KCNN2: variants seen among roughly 807,000 people sequenced by gnomAD.
KCNN2 encodes the protein potassium calcium-activated channel subfamily N member 2, also known as small conductance calcium-activated potassium channel protein 2.
KCNN2 carries 24 observed loss-of-function variants against 55.5 expected under a neutral mutation model. The ratio of observed to expected loss-of-function variants is 0.43; its 90% CI spans 0.31 to 0.61. KCNN2 has a LOEUF of 0.61. KCNN2 is among the 20% of genes least tolerant of loss of function. The probability of loss-of-function intolerance (pLI) is 0.08; values close to 1 mark genes in which losing one functional copy is unlikely to be tolerated. For missense variants in KCNN2, 754 were observed against 853.6 expected (o/e 0.88, Z 1.45); for synonymous variants, 431 against 336.1 (o/e 1.28, Z -3.09).
chr5:114,335,513 G>A (rs888722104), intron 2 of KCNN2, among the ~76,000 whole-genome samples: 3 of 152,010 alleles, frequency 2.0e-5, no homozygotes, highest in African/African-American at 4.8e-5. Flanking sequence ...TTCTTGCATC[G>A]TTTCTGTTGT....
intron 3 of KCNN2, 58 bp downstream of exon 3, chr5:114,404,914 G>GAA: frequency 2.1e-6 from 3 of 1,435,846 alleles, no homozygotes; most frequent in Non-Finnish European, 1.9e-6. Flanking sequence ...TCACAAGTAA[G>GAA]AAAAAAAAAA....
At position 114,441,200 on chromosome 5, in the gene KCNN2, CAGTG is replaced by C. The variant is rs796190038; in HGVS notation, c.1638-21846_1638-21843del. On this transcript the variant is annotated intron_variant, in intron 3 of 7. Coordinates refer to ENST00000673685, the MANE Select transcript of KCNN2 (RefSeq NM_021614.4). ...TAGCCTCAAAATATATAAAATAAAA[CAGTG>C]AGCAAACTAGAGAAATTAATACATT... 1.3e-4 allele frequency among the ~76,000 whole-genome samples: 20 copies of C among 151,820 alleles called. No homozygotes were observed. In the South Asian group the frequency reaches 2.7e-3, roughly 21 times the overall value.
chr5:114,075,911 C>T (rs1276384895), intron 1 of KCNN2, among the ~76,000 whole-genome samples: 1 of 152,238 alleles, frequency 6.6e-6, no homozygotes, highest in African/African-American at 2.4e-5. Context: ...TAGCTCATCA[C>T]AGATGTGTGA....
intron 3 of KCNN2, among the ~76,000 whole-genome samples, chr5:114,446,578 C>T (rs1760416743): frequency 6.6e-6 from 1 of 152,174 alleles, no homozygotes; most frequent in South Asian, 2.1e-4. Flanking sequence ...CTGCCTCAGC[C>T]TCCCAAGCAG....
At chr5:114,334,308 G>T (rs1756879102) in intron 2 of KCNN2, among the ~76,000 whole-genome samples, 1 of 134,754 alleles carries the variant, frequency 7.4e-6, no homozygotes, top group Admixed American at 7.8e-5. Flanking sequence ...GTGTGTGTGT[G>T]TATAAGGCTC....
At chr5:114,341,866 T>C (rs1265454005) in intron 2 of KCNN2, among the ~76,000 whole-genome samples, 2 of 151,852 alleles carry the variant, frequency 1.3e-5, no homozygotes, top group Non-Finnish European at 2.9e-5. Flanking sequence ...TTGGTTAAAA[T>C]AGAGCATAAA....
At chr5:114,414,083 C>T (rs572629294) in intron 3 of KCNN2, among the ~76,000 whole-genome samples, 9 of 152,042 alleles carry the variant, frequency 5.9e-5, no homozygotes, top group Non-Finnish European at 1.2e-4. Flanking sequence ...GCAAGTGCTT[C>T]CTACTTCCTG....
At chr5:114,405,284 C>T (rs973817093) in intron 3 of KCNN2, among the ~76,000 whole-genome samples, 21 of 152,092 alleles carry the variant, frequency 1.4e-4, no homozygotes, top group South Asian at 4.1e-4. Flanking sequence ...TATCTTAAAG[C>T]GGTTTGTTGG....
intron 2 of KCNN2, among the ~76,000 whole-genome samples, chr5:114,246,479 T>G (rs1296287653): frequency 3.3e-5 from 5 of 152,184 alleles, no homozygotes; most frequent in Non-Finnish European, 7.4e-5. Flanking sequence ...CTTTATTGTT[T>G]ATAGAGTAGA....
intron 3 of KCNN2, among the ~76,000 whole-genome samples, chr5:114,438,013 A>G (rs1760067538): frequency 6.7e-6 from 1 of 149,916 alleles, no homozygotes; most frequent in Admixed American, 6.6e-5. Flanking sequence ...ACAAAGCCCC[A>G]CTTTATCTAC....
chr5:114,301,536 C>G (rs907834202), intron 2 of KCNN2, among the ~76,000 whole-genome samples: 11 of 152,150 alleles, frequency 7.2e-5, no homozygotes, highest in Admixed American at 5.9e-4. Flanking sequence ...TTGCCATTCT[C>G]CCCTTCTCCC....
At chr5:114,386,710 C>G (rs550598319) in intron 2 of KCNN2, among the ~76,000 whole-genome samples, 2 of 152,176 alleles carry the variant, frequency 1.3e-5, no homozygotes, top group South Asian at 2.1e-4. Context: ...AATATAAGCA[C>G]CTATGGAGGA....
At chr5:114,238,515 A>C (rs912475299) in intron 2 of KCNN2, among the ~76,000 whole-genome samples, 2 of 151,710 alleles carry the variant, frequency 1.3e-5, no homozygotes, top group Admixed American at 6.6e-5. Context: ...AGTCCCAGCT[A>C]CTCGGGGGAC....
At chr5:114,408,342 T>A (rs1759006600) in intron 3 of KCNN2, among the ~76,000 whole-genome samples, 1 of 152,140 alleles carries the variant, frequency 6.6e-6, no homozygotes, top group African/African-American at 2.4e-5. Context: ...GGCCAGCATG[T>A]TTGTTGAGCC....
chr5:114,435,669 TG>T (rs1759980574), intron 3 of KCNN2, among the ~76,000 whole-genome samples: 1 of 152,112 alleles, frequency 6.6e-6, no homozygotes, highest in Non-Finnish European at 1.5e-5. Flanking sequence ...TAATGTTATT[TG>T]GGTGATTATA....
In KCNN2 at chr5:114,492,554, T is replaced by C. The variant is rs1174919186; in HGVS notation, c.2019-849T>C. On this transcript the variant is annotated intron_variant, in intron 6 of 7. Transcript: ENST00000673685. ...CACTGAATAAATATTTGTTGAAAAA[T>C]AATATAGTAAATAAAGTTAAAGAAT... is the stretch of plus-strand genomic sequence containing the variant. Among the ~76,000 whole-genome samples, 4 of 152,094 alleles carry C rather than the reference T, an allele frequency of 2.6e-5. No homozygotes were observed. The South Asian group carries it at 8.3e-4, about 31-fold the overall frequency.
rs575418166 is a variant in KCNN2, at chr5:114,108,616, G to T, written c.-271+52116G>T. ...TCAACAAAAAAGGAATAATACATCT[G>T]TATTTATTGGGAGGGGGATTCTGAC... On this transcript the variant is annotated intron_variant, in intron 1 of 10. Coordinates refer to the KCNN2 transcript ENST00000512097. 1.6e-4 allele frequency among the ~76,000 whole-genome samples: 25 copies of T among 152,088 alleles called. No homozygotes were observed. In the South Asian group the frequency reaches 2.5e-3, roughly 15 times the overall value.
At chr5:114,163,003 A>G (rs977886335) in intron 1 of KCNN2, among the ~76,000 whole-genome samples, 4 of 152,072 alleles carry the variant, frequency 2.6e-5, no homozygotes, top group Non-Finnish European at 5.9e-5. Context: ...CACTGCACCC[A>G]CTGTTCTGCA....
At chr5:114,162,960 G>A (rs1198923705) in intron 1 of KCNN2, among the ~76,000 whole-genome samples, 8 of 152,138 alleles carry the variant, frequency 5.3e-5, no homozygotes, top group Non-Finnish European at 7.4e-5. Context: ...CGGGTGAGGC[G>A]ATGCCTCTCC....
Sources: gnomAD v4.1 joint callset for allele counts (sites outside exome capture counted in the v4.1 genomes callset) on GRCh38, gnomAD v4.1.1 for gene constraint, MANE v1.5 for transcripts, NCBI Gene and HGNC (gene_info 2026-07-23, HGNC 2026-07-21) for gene names.